The following OLFM3 variants were observed in gnomAD, a reference collection of about 807,000 sequenced individuals.
The protein encoded by OLFM3 is noelin-3.
A neutral mutation model predicts 48.6 loss-of-function variants in OLFM3; 20 were observed. That is an observed-to-expected ratio of 0.41 (90% CI 0.29 to 0.60). The LOEUF is 0.60. Ranked by LOEUF, OLFM3 falls within the 20% of genes least tolerant of loss-of-function variation. The probability of loss-of-function intolerance (pLI) is 0.28; values close to 1 mark genes in which losing one functional copy is unlikely to be tolerated. For synonymous variants in OLFM3, 222 were observed against 198.1 expected, an observed-to-expected ratio of 1.12 and a Z score of -1.01; for missense variants, 437 against 544.3, an observed-to-expected ratio of 0.80 and a Z score of 1.96.
At chr1:101,879,591 A>G (rs11164320) in intron 1 of OLFM3, among the ~76,000 whole-genome samples, 30,150 of 151,786 alleles carry the variant, frequency 0.2, 3,340 homozygotes, top group Non-Finnish European at 0.26. Context: ...CTATCTTTTA[A>G]CATGGCTGGA....
At position 101,826,921 on chromosome 1, in the gene OLFM3, A is replaced by G. The variant is rs187217129; in HGVS notation, c.373-1676T>C. On this transcript the variant is annotated intron_variant, in intron 3 of 5. Coordinates refer to ENST00000370103, the MANE Select transcript of OLFM3 (RefSeq NM_058170.4). ...TAAAAGAGAGCAATTCAATGTCAAA[A>G]TGTTGGTAGCTTTTCTTCTCCCTCA... Among the ~76,000 whole-genome samples, 12 of 152,312 alleles carry G rather than the reference A, an allele frequency of 7.9e-5. No individual in the cohort carries two copies. The East Asian group carries it at 2.1e-3, about 27-fold the overall frequency.
chr1:101,950,830 A>G (rs971392567), intron 1 of OLFM3, among the ~76,000 whole-genome samples: 1 of 152,156 alleles, frequency 6.6e-6, no homozygotes, highest in Non-Finnish European at 1.5e-5. Context: ...TCATTGCTAT[A>G]TTCCTTACAA....
chr1:101,869,006 C>G (rs1206260484), intron 1 of OLFM3, among the ~76,000 whole-genome samples: 1 of 152,214 alleles, frequency 6.6e-6, no homozygotes, highest in African/African-American at 2.4e-5. Flanking sequence ...GATATCCAGG[C>G]AGAAGTTTGC....
intron 1 of OLFM3, among the ~76,000 whole-genome samples, chr1:101,971,292 G>T (rs1660797253): frequency 6.6e-6 from 1 of 152,176 alleles, no homozygotes; most frequent in African/African-American, 2.4e-5. Context: ...ATTGGTGATT[G>T]CTTGAATGTG....
In OLFM3 at chr1:101,930,415, G is replaced by A. The variant is rs568030799; in HGVS notation, c.69+66333C>T. Among the ~76,000 whole-genome samples the A allele has an allele frequency of 5.9e-5, 9 of 152,240 alleles. No individual in the cohort carries two copies. In the South Asian group the frequency reaches 1.7e-3, roughly 28 times the overall value. On this transcript the variant is annotated intron_variant, in intron 1 of 5. Coordinates refer to ENST00000370103, the MANE Select transcript of OLFM3 (RefSeq NM_058170.4). ...TGGTAGAGTGAGAAAATATAAAACT[G>A]AGGTTTAAATATGGTTTTTCCACCT... is the stretch of plus-strand genomic sequence containing the variant.
chr1:101,945,632 TA>T (rs1659940903), intron 1 of OLFM3, among the ~76,000 whole-genome samples: 2 of 151,992 alleles, frequency 1.3e-5, no homozygotes, highest in African/African-American at 4.8e-5. Flanking sequence ...ACTGTACACT[TA>T]TCTTAATTTT....
At chr1:101,926,924 CT>C (rs1228908088) in intron 1 of OLFM3, among the ~76,000 whole-genome samples, 1 of 152,056 alleles carries the variant, frequency 6.6e-6, no homozygotes, top group African/African-American at 2.4e-5. Flanking sequence ...CTAGCATTAC[CT>C]TCTGGGAAAC....
At chr1:101,843,351 G>C (rs980942128) in intron 1 of OLFM3, among the ~76,000 whole-genome samples, 10 of 152,130 alleles carry the variant, frequency 6.6e-5, no homozygotes, top group Non-Finnish European at 8.8e-5. Context: ...GGGTCTTCCT[G>C]GTGTGAAGCC....
intron 1 of OLFM3, among the ~76,000 whole-genome samples, chr1:101,845,947 T>C (rs772435423): frequency 6.6e-6 from 1 of 152,224 alleles, no homozygotes; most frequent in Admixed American, 6.5e-5. Flanking sequence ...CTTTTTCTGA[T>C]CCACTGGAGT....
At chr1:101,854,174 A>G (rs1324571464) in intron 1 of OLFM3, among the ~76,000 whole-genome samples, 1 of 148,848 alleles carries the variant, frequency 6.7e-6, no homozygotes, top group African/African-American at 2.5e-5. Flanking sequence ...TTAAAAAAAA[A>G]TGGTTTAGAG....
At chr1:101,966,660 A>G (rs1660618768) in intron 1 of OLFM3, among the ~76,000 whole-genome samples, 2 of 152,178 alleles carry the variant, frequency 1.3e-5, no homozygotes, top group Non-Finnish European at 2.9e-5. Flanking sequence ...ACAGAAAACC[A>G]ATCAGTTAGA....
At chr1:101,927,898 A>G (rs1659323354) in intron 1 of OLFM3, among the ~76,000 whole-genome samples, 1 of 151,878 alleles carries the variant, frequency 6.6e-6, no homozygotes, top group Admixed American at 6.6e-5. Flanking sequence ...ATATCTCTTG[A>G]ATTTTTGATA....
rs553972201 is a variant in OLFM3 at position 101,888,402 on chromosome 1, G to C, written c.70-51377C>G. Among the ~76,000 whole-genome samples the C allele has an allele frequency of 1.8e-4, 27 of 152,224 alleles. No homozygotes were observed. In the South Asian group the frequency reaches 5.4e-3, roughly 30 times the overall value. ...TTGACAAAAACAAGAAGTGGGGAAA[G>C]GATTCCCTATTTAATAAATGGTGCT... is the stretch of plus-strand genomic sequence containing the variant. On this transcript the variant is annotated intron_variant, in intron 1 of 5. Transcript: ENST00000370103.
Position 101,825,237 on chromosome 1 carries a change from T to G in OLFM3, c.381A>C (p.Lys127Asn). 1 of 1,613,368 alleles carries G rather than the reference T, an allele frequency of 6.2e-7. No homozygotes were observed. Among genetic ancestry groups the G allele is most frequent in the Non-Finnish European group, 8.5e-7 (1 of 1,179,534 alleles). ...AAGGCAGGAGCTCGTCCATTTTCTCTTTCAACTCCTGTGAAAAGCAGCCTA... is the reference window on the plus strand; with the variant it reads ...AAGGCAGGAGCTCGTCCATTTTCTCGTTCAACTCCTGTGAAAAGCAGCCTA... The part of the protein sequence containing the change: ...TLMTKHFQEL[K>N]EKMDELLPLI... The change falls in exon 4 of 6, where the codon AAA becomes AAC. Residue 127 changes from lysine (K) to asparagine (N), a missense_variant. Physicochemically the swap from Lys to Asn is moderately conservative, Grantham distance 94 (BLOSUM62 0). This residue lies in a region of OLFM3 where 314 missense variants were observed against 365.5 expected (regional missense o/e 0.86). Transcript: ENST00000370103.
At chr1:101,934,008 A>T (rs967425203) in intron 1 of OLFM3, among the ~76,000 whole-genome samples, 1 of 152,224 alleles carries the variant, frequency 6.6e-6, no homozygotes, top group African/African-American at 2.4e-5. Context: ...CTGTGACAAA[A>T]ATCACATGTA....
chr1:101,858,111 A>T (rs971840331), intron 1 of OLFM3, among the ~76,000 whole-genome samples: 2 of 152,090 alleles, frequency 1.3e-5, no homozygotes, highest in Admixed American at 1.3e-4. Context: ...TGTGAACCTC[A>T]TTAATAGCTT....
intron 4 of OLFM3, among the ~76,000 whole-genome samples, chr1:101,817,668 C>CT (rs35402614): frequency 0.83 from 126,616 of 151,962 alleles, 52,988 homozygotes; most frequent in East Asian, 0.93. Flanking sequence ...GCACTAATAG[C>CT]TCTGGATTTG....
chr1:101,944,494 AT>A (rs1659894332), intron 1 of OLFM3, among the ~76,000 whole-genome samples: 1 of 152,170 alleles, frequency 6.6e-6, no homozygotes, highest in Non-Finnish European at 1.5e-5. Context: ...TAACCTAGAT[AT>A]GGATAAATCT....
intron 1 of OLFM3, among the ~76,000 whole-genome samples, chr1:101,995,500 G>A (rs1661532696): frequency 6.6e-6 from 1 of 151,948 alleles, no homozygotes; most frequent in Admixed American, 6.5e-5. Context: ...TACAATCAAA[G>A]CTTTAAAATA....
Sources: allele counts gnomAD v4.1 joint callset (sites outside exome capture counted in the v4.1 genomes callset), GRCh38; gene constraint gnomAD v4.1.1; regional missense constraint gnomAD v4.1.1; transcripts MANE v1.5; gene names NCBI Gene and HGNC (gene_info 2026-07-23, HGNC 2026-07-21).